TM9SF4: variants seen among roughly 807,000 people sequenced by gnomAD.
The protein encoded by TM9SF4 is dinucleotide oxidase disulfide thiol exchanger 3 superfamily member 4.
TM9SF4 carries 26 observed loss-of-function variants against 90.4 expected under a neutral mutation model. The observed-to-expected ratio is 0.29, with a 90% CI of 0.21 to 0.40. The LOEUF (loss-of-function observed/expected upper bound fraction) is 0.40, where lower values mean the gene tolerates loss of function less well. Ranked by LOEUF, TM9SF4 falls within the 10% of genes least tolerant of loss-of-function variation. TM9SF4 has a pLI of 1.00. For missense variants in TM9SF4, 549 were observed against 834.8 expected (o/e 0.66, Z 4.22); for synonymous variants, 293 against 315.4 (o/e 0.93, Z 0.75).
intron 1 of TM9SF4, among the ~76,000 whole-genome samples, chr20:32,118,569 A>T (rs1030160625): frequency 6.6e-6 from 1 of 151,820 alleles, no homozygotes; most frequent in Non-Finnish European, 1.5e-5. Context: ...GGTATTAGCT[A>T]CTATGCCCAG....
intron 12 of TM9SF4, among the ~76,000 whole-genome samples, chr20:32,151,751 G>A (rs1046550079): frequency 7.9e-5 from 12 of 152,086 alleles, no homozygotes; most frequent in Non-Finnish European, 1.2e-4. Context: ...GCGCGATCTC[G>A]GATCACTGCA....
chr20:32,126,901 A>AT (rs778635772), intron 1 of TM9SF4, among the ~76,000 whole-genome samples: 14 of 152,086 alleles, frequency 9.2e-5, no homozygotes, highest in Non-Finnish European at 2.1e-4. Flanking sequence ...ACGCCGGCTA[A>AT]TTTTTGTATT....
At chr20:32,155,808 A>C (rs2046910700) in intron 13 of TM9SF4, among the ~76,000 whole-genome samples, 1 of 152,162 alleles carries the variant, frequency 6.6e-6, no homozygotes, top group Non-Finnish European at 1.5e-5. Context: ...TCTGCCCTCC[A>C]CCTGGGGGTG....
intron 15 of TM9SF4, 64 bp downstream of exon 15, chr20:32,158,578 G>T: frequency 6.4e-7 from 1 of 1,552,186 alleles, no homozygotes; most frequent in Non-Finnish European, 8.9e-7. Context: ...ACTCCACTCG[G>T]GTGCTCTGCT....
chr20:32,111,764 G>A (rs2046145433), intron 1 of TM9SF4, among the ~76,000 whole-genome samples: 1 of 152,164 alleles, frequency 6.6e-6, no homozygotes, highest in Non-Finnish European at 1.5e-5. Context: ...AATGTTCCAA[G>A]CAAAGGAAAT....
intron 15 of TM9SF4, 126 bp from the exon 16 acceptor site, chr20:32,159,866 G>A (rs1419145560): frequency 5.8e-6 from 8 of 1,367,814 alleles, no homozygotes; most frequent in Non-Finnish European, 8.2e-6. Flanking sequence ...AGAGCCACAT[G>A]CCAGGCCCAC....
At chr20:32,118,209 T>C (rs1476721307) in intron 1 of TM9SF4, among the ~76,000 whole-genome samples, 1 of 152,172 alleles carries the variant, frequency 6.6e-6, no homozygotes, top group Non-Finnish European at 1.5e-5. Flanking sequence ...GAGATCAGTA[T>C]CTGTAGCTTT....
chr20:32,156,921 T>G (rs984791940), intron 13 of TM9SF4, among the ~76,000 whole-genome samples: 20 of 148,502 alleles, frequency 1.3e-4, no homozygotes, highest in Non-Finnish European at 2.7e-4. Context: ...TTATTGTATT[T>G]TTTTTTTTCC....
Position 32,155,105 on chromosome 20 carries a change from G to A in TM9SF4, c.1248G>A (p.Thr416=), listed in dbSNP as rs200631265. 56 of 1,614,002 alleles carry A rather than the reference G, an allele frequency of 3.5e-5. No homozygotes were observed. In the East Asian group the frequency reaches 1.0e-3, roughly 30 times the overall value. Residue 416 remains threonine, a splice_region_variant and synonymous_variant, in exon 13 of 18, where the codon ACG becomes ACA. Transcript: ENST00000398022. ...GHRWKKGAFC[T]ATLYPGVVFG... The stretch of plus-strand genomic sequence containing the variant: ...CAACCCGGCCCCTCTTGCTCCAGAC[G>A]GCAACTCTGTACCCTGGTGTGGTTT...
intron 1 of TM9SF4, among the ~76,000 whole-genome samples, chr20:32,120,007 C>G (rs1205431605): frequency 6.6e-6 from 1 of 152,148 alleles, no homozygotes; most frequent in Non-Finnish European, 1.5e-5. Flanking sequence ...TTATTTTCCA[C>G]TGATCTTTAT....
intron 9 of TM9SF4, 118 bp from the exon 10 acceptor site, chr20:32,149,516 C>T (rs776169090): frequency 7.5e-7 from 1 of 1,335,140 alleles, no homozygotes; most frequent in Non-Finnish European, 1.0e-6. Flanking sequence ...CACTTACACT[C>T]CTGTGTCAGA....
In TM9SF4 at chr20:32,121,181, C is replaced by T. The variant is rs34557646; in HGVS notation, c.15+11426C>T. 9.6e-3 allele frequency among the ~76,000 whole-genome samples: 1,443 copies of T among 150,812 alleles called. 16 individuals carry two copies. Among genetic ancestry groups the T allele is most frequent in the Non-Finnish European group, 0.012 (795 of 67,860 alleles). ...AGGCTATACATAAACTACATAAACC[C>T]GCTGTGCCTCTTTTTTTTTTTATTT... On this transcript the variant is annotated intron_variant, in intron 1 of 17. Transcript: ENST00000398022.
At chr20:32,112,176 A>G (rs745339328) in intron 1 of TM9SF4, among the ~76,000 whole-genome samples, 7 of 152,118 alleles carry the variant, frequency 4.6e-5, no homozygotes, top group East Asian at 3.9e-4. Context: ...CTGGGAGACC[A>G]AAGCTGGGAG....
intron 9 of TM9SF4, among the ~76,000 whole-genome samples, chr20:32,148,647 T>C: frequency 6.7e-6 from 1 of 149,908 alleles, no homozygotes; most frequent in East Asian, 1.9e-4. Flanking sequence ...CAAGACTTGG[T>C]ATAGAAATAT....
chr20:32,141,797 C>T lies in TM9SF4; in HGVS notation c.430C>T (p.Leu144=). 6.2e-7 allele frequency: 1 copy of T among 1,614,146 alleles called. No homozygotes were observed. Among genetic ancestry groups the T allele is most frequent in the East Asian group, 2.2e-5 (1 of 44,880 alleles). The change falls in exon 5 of 18, where the codon CTG becomes TTG. Residue 144 remains leucine, a synonymous_variant. Coordinates refer to ENST00000398022, the MANE Select transcript of TM9SF4 (RefSeq NM_014742.4). The part of the protein sequence containing the change: ...IADNLPVATR[L]ELYSNRDSDD... ...TGACAACCTGCCTGTGGCCACCCGG[C>T]TGGAGCTCTACTCCAACCGAGACAG... is the stretch of plus-strand genomic sequence containing the variant.
chr20:32,111,986 A>G (rs1490383842), intron 1 of TM9SF4, among the ~76,000 whole-genome samples: 1 of 152,208 alleles, frequency 6.6e-6, no homozygotes, highest in Non-Finnish European at 1.5e-5. Flanking sequence ...GCATTTTGAA[A>G]TAGTGTTGTA....
intron 3 of TM9SF4, among the ~76,000 whole-genome samples, chr20:32,139,686 G>A (rs2046643620): frequency 6.6e-6 from 1 of 152,238 alleles, no homozygotes; most frequent in Non-Finnish European, 1.5e-5. Context: ...ATTGGATTTT[G>A]TTGCTTTCTA....
intron 5 of TM9SF4, 128 bp downstream of exon 5, chr20:32,142,023 G>C: frequency 6.8e-7 from 1 of 1,473,672 alleles, no homozygotes; most frequent in Non-Finnish European, 9.2e-7. Context: ...ATGATGGTCT[G>C]TCAGAGGTCC....
chr20:32,109,839 CCT>C, intron 1 of TM9SF4, 84 bp downstream of exon 1: 1 of 1,547,152 alleles, frequency 6.5e-7, no homozygotes, highest in Non-Finnish European at 8.7e-7. Flanking sequence ...CATGCCTGGC[CCT>C]GAGCCACCTC....
Sources: allele counts gnomAD v4.1 joint callset (sites outside exome capture counted in the v4.1 genomes callset), GRCh38; gene constraint gnomAD v4.1.1; transcripts MANE v1.5; gene names NCBI Gene and HGNC (gene_info 2026-07-23, HGNC 2026-07-21).